WWOX: variants seen among roughly 807,000 people sequenced by gnomAD.
WWOX encodes WW domain-containing oxidoreductase.
A neutral mutation model predicts 46.2 loss-of-function variants in WWOX; 69 were observed. The observed-to-expected ratio is 1.49, with a 90% CI of 1.23 to 1.82. The LOEUF is 1.82. Among genes scored for constraint, WWOX ranks in the 40% most tolerant of loss-of-function variants. The pLI is 0.00. For missense variants in WWOX, 919 were observed against 542.6 expected, an observed-to-expected ratio of 1.69 and a Z score of -6.89; for synonymous variants, 359 against 202.6, an observed-to-expected ratio of 1.77 and a Z score of -6.56.
chr16:78,391,717 G>A (rs2082177152), intron 6 of WWOX, among the ~76,000 whole-genome samples: 1 of 152,100 alleles, frequency 6.6e-6, no homozygotes, highest in South Asian at 2.1e-4. Flanking sequence ...GCATGGTGAT[G>A]CATACCTGAA....
At chr16:78,737,094 G>A (rs8050956) in intron 8 of WWOX, among the ~76,000 whole-genome samples, 22,747 of 151,438 alleles carry the variant, frequency 0.15, 2,054 homozygotes, top group African/African-American at 0.25. Flanking sequence ...CTTTATTTTT[G>A]TTTATTTATT....
chr16:78,964,860 C>G (rs1318084036), intron 8 of WWOX, among the ~76,000 whole-genome samples: 1 of 152,202 alleles, frequency 6.6e-6, no homozygotes, highest in East Asian at 1.9e-4. Context: ...CCACTCCAGT[C>G]ATGGCTGAAA....
intron 8 of WWOX, among the ~76,000 whole-genome samples, chr16:78,468,946 C>G (rs2084153275): frequency 6.6e-6 from 1 of 152,178 alleles, no homozygotes; most frequent in African/African-American, 2.4e-5. Context: ...AAGAGCGAAA[C>G]TTTTGGTATG....
At chr16:78,649,855 C>G (rs967592480) in intron 8 of WWOX, among the ~76,000 whole-genome samples, 28 of 152,118 alleles carry the variant, frequency 1.8e-4, no homozygotes, top group African/African-American at 5.8e-4. Flanking sequence ...ATTAAATGAC[C>G]TTGTCTTCCA....
intron 8 of WWOX, among the ~76,000 whole-genome samples, chr16:78,641,139 A>G (rs886971348): frequency 2.6e-5 from 4 of 152,068 alleles, no homozygotes. Context: ...CCTCCTCCAA[A>G]AAAATTCTCT....
At chr16:78,555,569 C>G (rs1054338962) in intron 8 of WWOX, among the ~76,000 whole-genome samples, 1 of 146,220 alleles carries the variant, frequency 6.8e-6, no homozygotes, top group African/African-American at 2.5e-5. Context: ...CCACATTCCC[C>G]ACTAAAGGAG....
At chr16:79,196,493 T>C (rs2051242811) in intron 8 of WWOX, 1 of 152,202 alleles carries the variant, frequency 6.6e-6, no homozygotes, top group Non-Finnish European at 1.5e-5. Context: ...TTTGTGATGT[T>C]GGGCAAAAGG....
chr16:79,170,881 C>T (rs181029906), intron 8 of WWOX, among the ~76,000 whole-genome samples: 322 of 152,220 alleles, frequency 2.1e-3, no homozygotes, highest in Admixed American at 5.9e-3. Context: ...TTGGCCAAAC[C>T]TTCGTGGATT....
In WWOX at chr16:78,099,843, GGGA is replaced by G; in HGVS notation, c.70_72del (p.Glu24del). On this transcript the variant is annotated inframe_deletion, in exon 1 of 9. Transcript: ENST00000566780. ...AGTGAGGACGAGCTGCCTCCGGGCTGGGAGGAGAGAACCACCAAGGACGGCTGG... is the reference window on the plus strand; with the variant it reads ...AGTGAGGACGAGCTGCCTCCGGGCTGGGAGAGAACCACCAAGGACGGCTGG... The G allele has an allele frequency of 6.3e-7, 1 of 1,582,144 alleles. No individual in the cohort carries two copies. Among genetic ancestry groups the G allele is most frequent in the Non-Finnish European group, 8.6e-7 (1 of 1,165,040 alleles).
chr16:78,716,331 T>C (rs1225425789), intron 8 of WWOX, among the ~76,000 whole-genome samples: 1 of 152,112 alleles, frequency 6.6e-6, no homozygotes, highest in Admixed American at 6.5e-5. Flanking sequence ...TGTGGCCCTG[T>C]TGACACCTTG....
intron 5 of WWOX, chr16:78,167,042 A>G (rs1237661621): frequency 6.6e-6 from 1 of 152,236 alleles, no homozygotes; most frequent in East Asian, 1.9e-4. Flanking sequence ...TAGTGACACT[A>G]TGGTAACCTG....
chr16:78,252,657 A>G (rs915924153), intron 5 of WWOX, among the ~76,000 whole-genome samples: 1 of 152,226 alleles, frequency 6.6e-6, no homozygotes, highest in African/African-American at 2.4e-5. Flanking sequence ...GCGATTAATT[A>G]TGCCTTGAGA....
At chr16:78,762,135 AT>A (rs768756013) in intron 8 of WWOX, among the ~76,000 whole-genome samples, 83 of 152,292 alleles carry the variant, frequency 5.5e-4, no homozygotes, top group Non-Finnish European at 9.6e-4. Flanking sequence ...AATCATTTCC[AT>A]TTTATAGATT....
intron 8 of WWOX, among the ~76,000 whole-genome samples, chr16:79,104,983 A>G (rs1322013024): frequency 3.3e-5 from 5 of 152,106 alleles, no homozygotes; most frequent in South Asian, 2.1e-4. Context: ...CGCCACCCCA[A>G]TTTCCTCATG....
intron 8 of WWOX, among the ~76,000 whole-genome samples, chr16:78,704,748 T>C (rs1427486312): frequency 6.6e-6 from 1 of 152,150 alleles, no homozygotes; most frequent in Non-Finnish European, 1.5e-5. Context: ...AAATGCTCTA[T>C]TATTTTCTCC....
At chr16:78,645,924 C>T (rs1473889354) in intron 8 of WWOX, among the ~76,000 whole-genome samples, 2 of 152,190 alleles carry the variant, frequency 1.3e-5, no homozygotes, top group African/African-American at 2.4e-5. Context: ...GTGGCCACAT[C>T]TTCCATCCTT....
At chr16:78,819,083 C>T (rs1011289856) in intron 8 of WWOX, among the ~76,000 whole-genome samples, 3 of 152,210 alleles carry the variant, frequency 2.0e-5, no homozygotes, top group African/African-American at 7.2e-5. Flanking sequence ...CCATAGTACT[C>T]AGGTGTTCAT....
At chr16:78,506,420 G>C (rs1375143334) in intron 8 of WWOX, 1 of 152,314 alleles carries the variant, frequency 6.6e-6, no homozygotes, top group African/African-American at 2.4e-5. Flanking sequence ...AAGAGAGCCT[G>C]AGCATTCCTT....
intron 8 of WWOX, among the ~76,000 whole-genome samples, chr16:78,814,618 A>G (rs1387069144): frequency 6.6e-6 from 1 of 152,214 alleles, no homozygotes. Flanking sequence ...TTTGTGGATT[A>G]CATTGGTTCT....
Sources: allele counts gnomAD v4.1 joint callset (sites outside exome capture counted in the v4.1 genomes callset), GRCh38; gene constraint gnomAD v4.1.1; transcripts MANE v1.5; gene names NCBI Gene and HGNC (gene_info 2026-07-23, HGNC 2026-07-21).